Variants in PGF observed in about 807,000 individuals in gnomAD.
PGF encodes placental growth factor, also known as placenta growth factor.
In PGF, 11 loss-of-function variants were observed where a neutral mutation model predicts 25.3. That is an observed-to-expected ratio of 0.43 (90% CI 0.27 to 0.72). The LOEUF (loss-of-function observed/expected upper bound fraction) is 0.72. Among genes scored for constraint, PGF ranks in the 30% least tolerant of loss-of-function variants. The probability of loss-of-function intolerance (pLI) is 0.18; values close to 1 mark genes in which losing one functional copy is unlikely to be tolerated. For synonymous variants in PGF, 105 were observed against 97.9 expected, an observed-to-expected ratio of 1.07 and a Z score of -0.43; for missense variants, 230 against 234.9, an observed-to-expected ratio of 0.98 and a Z score of 0.14.
chr14:74,947,165 T>A (rs183183299), intron 4 of PGF: 1 of 413,676 alleles, frequency 2.4e-6, no homozygotes, highest in East Asian at 3.5e-5. Context: ...TACCTCTCCA[T>A]ATTGGGCAAG....
rs1668076349 is a variant in PGF at position 74,942,507 on chromosome 14, C to A, written c.*199G>T. 6.5e-6 allele frequency: 4 copies of A among 613,818 alleles called. No individual in the cohort carries two copies. Among genetic ancestry groups the A allele is most frequent in the Non-Finnish European group, 1.2e-5 (4 of 347,394 alleles). The allele number at this position is 613,818 out of a possible 1,614,324, so 38.0% of individuals were successfully genotyped here. On this transcript the variant is annotated 3_prime_UTR_variant, in exon 7 of 7. Transcript: ENST00000555567. ...CCAGGGGTCTGTGGCTGGCTTCTCTCTTTCTCTCACGTTGTTGAAGGCACT... is the reference window on the plus strand; with the variant it reads ...CCAGGGGTCTGTGGCTGGCTTCTCTATTTCTCTCACGTTGTTGAAGGCACT...
At chr14:74,949,576 G>C (rs1179851846) in intron 2 of PGF, 23 bp from the exon 3 acceptor site, 1 of 1,525,348 alleles carries the variant, frequency 6.6e-7, no homozygotes, top group Non-Finnish European at 8.8e-7. Context: ...AAGGGGGCTG[G>C]GTCAGGCCAG....
rs907301103 is a variant in PGF, at chr14:74,946,400, C to T, written c.401G>A (p.Arg134Gln). 53 of 1,610,598 alleles carry T rather than the reference C, an allele frequency of 3.3e-5. No individual in the cohort carries two copies. The highest frequency in any genetic ancestry group is 5.3e-5 in the African/African-American group (4 of 74,886). Residue 134 changes from arginine (R) to glutamine (Q), a missense_variant, in exon 5 of 7, where the codon CGG becomes CAG. Physicochemically the swap from Arg to Gln is conservative, Grantham distance 43. Transcript: ENST00000555567. ...TTACCTTTCCGGCTTCATCTTCTCC[C>T]GCAGAGGCCTAGGGAAACAGACAGA... ...QHVRCECRPL[R>Q]EKMKPERRRP...
At chr14:74,946,550 G>A (rs778556699) in intron 4 of PGF, 142 bp from the exon 5 acceptor site, 32 of 753,754 alleles carry the variant, frequency 4.2e-5, no homozygotes, top group South Asian at 2.3e-4. Context: ...GTAGCATGGA[G>A]TTGGCAAGGG....
At chr14:74,952,853 T>G (rs1888903497) in intron 2 of PGF, among the ~76,000 whole-genome samples, 1 of 152,228 alleles carries the variant, frequency 6.6e-6, no homozygotes, top group Admixed American at 6.5e-5. Flanking sequence ...AGACATCATG[T>G]AGCCAAGGCT....
chr14:74,946,129 C>T (rs1304190855), intron 6 of PGF, 84 bp downstream of exon 6: 3 of 1,287,502 alleles, frequency 2.3e-6, no homozygotes, highest in South Asian at 2.4e-5. Context: ...CTGCCTCTCC[C>T]CCTCCCCAAC....
At chr14:74,946,973 A>G in intron 4 of PGF, 1 of 677,552 alleles carries the variant, frequency 1.5e-6, no homozygotes, top group Non-Finnish European at 2.7e-6. Flanking sequence ...GCAAGAAGAA[A>G]GGTGTCCCTG....
At chr14:74,943,434 CTG>C (rs1888648893) in intron 6 of PGF, among the ~76,000 whole-genome samples, 1 of 152,200 alleles carries the variant, frequency 6.6e-6, no homozygotes, top group African/African-American at 2.4e-5. Flanking sequence ...TTCAACAAAA[CTG>C]AAGAACAGCT....
At chr14:74,948,838 A>C (rs1173023682) in intron 3 of PGF, among the ~76,000 whole-genome samples, 1 of 152,336 alleles carries the variant, frequency 6.6e-6, no homozygotes, top group South Asian at 2.1e-4. Flanking sequence ...CTGGAGTCAG[A>C]GAGACCCGTG....
intron 6 of PGF, chr14:74,945,689 G>A (rs900752863): frequency 6.5e-6 from 1 of 155,030 alleles, no homozygotes; most frequent in African/African-American, 2.4e-5. Flanking sequence ...TGCCCACAAG[G>A]TACGAAGTGG....
Position 74,946,407 on chromosome 14 carries a change from G to A in PGF, c.394C>T (p.Pro132Ser). The change falls in exon 5 of 7, where the codon CCT becomes TCT. Residue 132 changes from proline to serine, a missense_variant and splice_region_variant. Coordinates refer to ENST00000555567, the MANE Select transcript of PGF (RefSeq NM_002632.6). ...FSQHVRCECR[P>S]LREKMKPERR... ...TCCGGCTTCATCTTCTCCCGCAGAGGCCTAGGGAAACAGACAGAGAGAGGG... is the reference window on the plus strand; with the variant it reads ...TCCGGCTTCATCTTCTCCCGCAGAGACCTAGGGAAACAGACAGAGAGAGGG... 1 of 1,609,312 alleles carries A rather than the reference G, an allele frequency of 6.2e-7. No homozygotes were observed. Among genetic ancestry groups the A allele is most frequent in the Non-Finnish European group, 8.5e-7 (1 of 1,177,120 alleles).
chr14:74,944,081 ATT>A (rs58701358), intron 6 of PGF, among the ~76,000 whole-genome samples: 5 of 133,250 alleles, frequency 3.8e-5, no homozygotes, highest in Non-Finnish European at 6.2e-5. Flanking sequence ...GTGTTCCTGT[ATT>A]TTTTTTTTTT....
Position 74,951,394 on chromosome 14 carries a change from T to C in PGF, c.119-1841A>G, listed in dbSNP as rs563067654. On this transcript the variant is annotated intron_variant, in intron 2 of 6. Transcript: ENST00000555567. ...AGAGCACCTCCCTATCACCAGCTCCTTGAGCTGTGTGTTTAGTTTAAAATC... is the reference window on the plus strand; with the variant it reads ...AGAGCACCTCCCTATCACCAGCTCCCTGAGCTGTGTGTTTAGTTTAAAATC... Among the ~76,000 whole-genome samples the C allele has an allele frequency of 1.1e-4, 16 of 152,374 alleles. No individual in the cohort carries two copies. The South Asian group carries it at 3.3e-3, about 32-fold the overall frequency.
chr14:74,952,846 C>T (rs1004175563), intron 2 of PGF, among the ~76,000 whole-genome samples: 1 of 152,176 alleles, frequency 6.6e-6, no homozygotes, highest in Admixed American at 6.5e-5. Context: ...AAACCATAGA[C>T]ATCATGTAGC....
At position 74,942,265 on chromosome 14, in the gene PGF, C is replaced by A; in HGVS notation, c.*441G>T. 1 of 172,940 alleles carries A rather than the reference C, an allele frequency of 5.8e-6. No individual in the cohort carries two copies. Among genetic ancestry groups the A allele is most frequent in the Non-Finnish European group, 1.2e-5 (1 of 81,910 alleles). 10.7% of individuals were successfully genotyped at this position (172,940 alleles called of 1,614,324 possible). On this transcript the variant is annotated 3_prime_UTR_variant, in exon 7 of 7. Coordinates refer to ENST00000555567, the MANE Select transcript of PGF (RefSeq NM_002632.6). ...CTCCGCCCGCTGCCGGCCTTCCCACCAGCCAGGCCGTGGCGGCCCCAGCAG... is the reference window on the plus strand; with the variant it reads ...CTCCGCCCGCTGCCGGCCTTCCCACAAGCCAGGCCGTGGCGGCCCCAGCAG...
chr14:74,954,283 A>G, intron 1 of PGF: 1 of 308,162 alleles, frequency 3.2e-6, no homozygotes, highest in Non-Finnish European at 6.2e-6. Flanking sequence ...TGGGCCCTGC[A>G]CAGCCCGCCT....
In PGF at chr14:74,949,503, T is replaced by G; in HGVS notation, c.169A>C (p.Arg57=). 6.2e-7 allele frequency: 1 copy of G among 1,606,050 alleles called. No individual in the cohort carries two copies. Among genetic ancestry groups the G allele is most frequent in the Non-Finnish European group, 8.5e-7 (1 of 1,176,762 alleles). ...WGRSYCRALE[R]LVDVVSEYPS... is the part of the protein sequence containing the mutation. Reference sequence around the variant, plus strand: ...TACTCGGACACGACGTCCACCAGCCTCTCCAGCGCCCGGCAGTAGCTGCGG... The same window carrying G: ...TACTCGGACACGACGTCCACCAGCCGCTCCAGCGCCCGGCAGTAGCTGCGG... Residue 57 remains arginine (R), a synonymous_variant, in exon 3 of 7, where the codon AGG becomes CGG. Transcript: ENST00000555567.
At chr14:74,944,558 T>A (rs1888682711) in intron 6 of PGF, 1 of 152,062 alleles carries the variant, frequency 6.6e-6, no homozygotes, top group South Asian at 2.1e-4. Flanking sequence ...ATACTTTTTT[T>A]TTTTTGAGAC....
chr14:74,949,470 C>T lies in PGF; in HGVS notation c.202G>A (p.Glu68Lys), dbSNP rs143175863. Residue 68 changes from glutamate to lysine, a missense_variant, in exon 3 of 7, where the codon GAG becomes AAG. By Grantham distance (56) the Glu-to-Lys change is moderately conservative (BLOSUM62 1). Coordinates refer to ENST00000555567, the MANE Select transcript of PGF (RefSeq NM_002632.6). Reference sequence around the variant, plus strand: ...GATGGGCTGAACATGTGCTCCACCTCGCTGGGGTACTCGGACACGACGTCC... The same window carrying T: ...GATGGGCTGAACATGTGCTCCACCTTGCTGGGGTACTCGGACACGACGTCC... Reference protein sequence around the residue: ...LVDVVSEYPSEVEHMFSPSCV... With the variant: ...LVDVVSEYPSKVEHMFSPSCV... 6.8e-5 allele frequency: 110 copies of T among 1,612,172 alleles called. No homozygotes were observed. Among genetic ancestry groups the T allele is most frequent in the African/African-American group, 3.9e-4 (29 of 74,890 alleles).
Sources: gnomAD v4.1 joint callset for allele counts (sites outside exome capture counted in the v4.1 genomes callset) on GRCh38, gnomAD v4.1.1 for gene constraint, MANE v1.5 for transcripts, NCBI Gene and HGNC (gene_info 2026-07-23, HGNC 2026-07-21) for gene names.